Variants in CREBBP observed in about 807,000 individuals in gnomAD.
CREBBP encodes CREB-binding protein.
In CREBBP, 19 loss-of-function variants were observed where a neutral mutation model predicts 265.0. That is an observed-to-expected ratio of 0.07 (90% confidence interval 0.05 to 0.11). CREBBP has a LOEUF of 0.11. CREBBP is among the 10% of genes least tolerant of loss of function. CREBBP has a pLI of 1.00. For synonymous variants in CREBBP, 1,457 were observed against 1,223.7 expected, an observed-to-expected ratio of 1.19 and a Z score of -3.98; for missense variants, 2,525 against 3,219.0, an observed-to-expected ratio of 0.78 and a Z score of 5.22.
chr16:3,739,218 C>T (rs1334472751), intron 25 of CREBBP, among the ~76,000 whole-genome samples: 1 of 152,210 alleles, frequency 6.6e-6, no homozygotes, highest in Non-Finnish European at 1.5e-5. Context: ...CTGAGAAAAG[C>T]CACTTTTAGT....
intron 2 of CREBBP, among the ~76,000 whole-genome samples, chr16:3,836,682 A>G (rs2054458769): frequency 6.6e-6 from 1 of 152,208 alleles, no homozygotes; most frequent in African/African-American, 2.4e-5. Flanking sequence ...TTTTAAAAAT[A>G]TAGGTAGGTC....
chr16:3,848,161 C>T (rs955818436), intron 2 of CREBBP, among the ~76,000 whole-genome samples: 8 of 149,558 alleles, frequency 5.3e-5, no homozygotes, highest in African/African-American at 2.0e-4. Flanking sequence ...AACAGTGAAA[C>T]TCCATCTCAG....
intron 3 of CREBBP, among the ~76,000 whole-genome samples, chr16:3,804,884 C>T (rs1238148039): frequency 3.3e-5 from 5 of 152,202 alleles, no homozygotes; most frequent in Non-Finnish European, 5.9e-5. Flanking sequence ...ACTAATCAGA[C>T]TCTAGAAAAG....
Position 3,726,881 on chromosome 16 carries a change from T to C in CREBBP, c.*837A>G, listed in dbSNP as rs1419971513. On this transcript the variant is annotated 3_prime_UTR_variant, in exon 31 of 31. Transcript: ENST00000262367. ...AAGAAATGAGTTGGTATTTTACCATTCTATACAGTGATTGAATCTTCTCGA... is the reference window on the plus strand; with the variant it reads ...AAGAAATGAGTTGGTATTTTACCATCCTATACAGTGATTGAATCTTCTCGA... 1.7e-5 allele frequency: 4 copies of C among 233,532 alleles called. No individual in the cohort carries two copies. Among genetic ancestry groups the C allele is most frequent in the Non-Finnish European group, 8.5e-6 (1 of 118,034 alleles). The allele number at this position is 233,532 out of a possible 1,614,324, so 14.5% of individuals were successfully genotyped here. A position where few individuals can be genotyped will look rare whatever the true frequency, so the allele number is the denominator to read the frequency against.
At chr16:3,807,062 A>C (rs931202058) in intron 3 of CREBBP, among the ~76,000 whole-genome samples, 2 of 152,008 alleles carry the variant, frequency 1.3e-5, no homozygotes, top group African/African-American at 4.8e-5. Context: ...CGTGGCCACT[A>C]CACCTTCCAT....
intron 28 of CREBBP, among the ~76,000 whole-genome samples, chr16:3,735,812 G>A (rs754120193): frequency 4.6e-5 from 7 of 152,096 alleles, no homozygotes; most frequent in Non-Finnish European, 7.3e-5. Flanking sequence ...TTCCCTCTCC[G>A]AGTCTAAGTG....
intron 15 of CREBBP, among the ~76,000 whole-genome samples, chr16:3,768,691 C>A (rs2052924195): frequency 6.6e-6 from 1 of 152,156 alleles, no homozygotes; most frequent in African/African-American, 2.4e-5. Flanking sequence ...AGGCACAATG[C>A]TGAAAGCATC....
intron 18 of CREBBP, 23 bp from the exon 19 acceptor site, chr16:3,757,399 C>G (rs2052612414): frequency 6.4e-7 from 1 of 1,559,912 alleles, no homozygotes; most frequent in Non-Finnish European, 8.8e-7. Context: ...AGGAGAAATA[C>G]TTTTATATAA....
At chr16:3,855,770 T>G (rs1372866860) in intron 1 of CREBBP, among the ~76,000 whole-genome samples, 1 of 152,206 alleles carries the variant, frequency 6.6e-6, no homozygotes, top group East Asian at 1.9e-4. Context: ...TCCATAGTTT[T>G]TACGCTATTT....
chr16:3,777,126 G>A (rs1288324579), intron 11 of CREBBP, among the ~76,000 whole-genome samples: 8 of 151,992 alleles, frequency 5.3e-5, no homozygotes, highest in African/African-American at 1.9e-4. Context: ...ACGGATCACG[G>A]AGATCAAGAC....
intron 16 of CREBBP, among the ~76,000 whole-genome samples, chr16:3,759,552 ACTCCAG>A (rs1384917336): frequency 6.6e-6 from 1 of 150,628 alleles, no homozygotes; most frequent in African/African-American, 2.5e-5. Flanking sequence ...GCGCCACTGC[ACTCCAG>A]CCTGGACAAC....
intron 16 of CREBBP, among the ~76,000 whole-genome samples, chr16:3,766,263 T>G (rs565738186): frequency 4.6e-5 from 7 of 152,220 alleles, no homozygotes; most frequent in Non-Finnish European, 7.3e-5. Flanking sequence ...CTTCACTGGC[T>G]GAATTTTGGT....
At chr16:3,732,804 G>A (rs1370481562) in intron 28 of CREBBP, among the ~76,000 whole-genome samples, 2 of 151,914 alleles carry the variant, frequency 1.3e-5, no homozygotes, top group Non-Finnish European at 2.9e-5. Context: ...AGGTTCAAGC[G>A]ATTCTCCTGC....
At chr16:3,747,143 C>G (rs1011320295) in intron 21 of CREBBP, among the ~76,000 whole-genome samples, 9 of 151,982 alleles carry the variant, frequency 5.9e-5, no homozygotes, top group Non-Finnish European at 1.3e-4. Context: ...AGTTTCTTGC[C>G]TTCTCCTGCT....
chr16:3,796,387 C>CT (rs796743710), intron 3 of CREBBP, among the ~76,000 whole-genome samples: 8,936 of 139,256 alleles, frequency 0.064, 674 homozygotes, highest in African/African-American at 0.18. Flanking sequence ...CTGGCTTGTA[C>CT]TTTTTTTTTT....
At chr16:3,762,463 A>C (rs1449838996) in intron 16 of CREBBP, among the ~76,000 whole-genome samples, 1 of 142,582 alleles carries the variant, frequency 7.0e-6, no homozygotes, top group Non-Finnish European at 1.5e-5. Context: ...TACAGGCGTG[A>C]GCCACGGTGC....
rs748451307 is a variant in CREBBP, at chr16:3,757,296, A to G, written c.3690T>C (p.Tyr1230=). 5 of 1,612,254 alleles carry G rather than the reference A, an allele frequency of 3.1e-6. No homozygotes were observed. The Admixed American group carries it at 8.4e-5, about 27-fold the overall frequency. ...TIPRDAAYYS[Y]QNRYHFCEKC... The stretch of plus-strand genomic sequence containing the variant: ...TGCTGCTTGACGCTTACCTATTCTG[A>G]TAGCTGTAGTAGGCAGCATCGCGAG... The change falls in exon 19 of 31, where the codon TAT becomes TAC. Residue 1230 remains tyrosine (Y), a synonymous_variant. Coordinates refer to ENST00000262367, the MANE Select transcript of CREBBP (RefSeq NM_004380.3).
chr16:3,744,804 G>A, intron 23 of CREBBP, 90 bp downstream of exon 23: 1 of 970,622 alleles, frequency 1.0e-6, no homozygotes, highest in South Asian at 1.3e-5. Context: ...TCAGAACCAT[G>A]TGTTGAGAGG....
chr16:3,798,529 A>G (rs536096950), intron 3 of CREBBP, among the ~76,000 whole-genome samples: 13 of 152,362 alleles, frequency 8.5e-5, no homozygotes, highest in South Asian at 6.2e-4. Flanking sequence ...CTGAACAGTT[A>G]TTTATGCAAA....
Sources: allele counts gnomAD v4.1 joint callset (sites outside exome capture counted in the v4.1 genomes callset), GRCh38; gene constraint gnomAD v4.1.1; transcripts MANE v1.5; gene names NCBI Gene and HGNC (gene_info 2026-07-23, HGNC 2026-07-21).